CSNK2A2IP: variants seen among roughly 807,000 people sequenced by gnomAD.
CSNK2A2IP encodes the protein casein kinase 2 subunit alpha' interacting protein, also known as casein kinase II subunit alpha'-interacting protein.
chr3:88,415,717 C>T, the CSNK2A2IP span, among the ~76,000 whole-genome samples: 1 of 151,906 alleles, frequency 6.6e-6, no homozygotes, highest in African/African-American at 2.4e-5. Context: ...GGGTATAATT[C>T]CTTGCAAAGT....
the CSNK2A2IP span, among the ~76,000 whole-genome samples, chr3:88,396,624 A>G: frequency 8.5e-5 from 13 of 152,192 alleles, no homozygotes; most frequent in Non-Finnish European, 1.6e-4. Flanking sequence ...AGAGATGATC[A>G]TGGTAGTTAG....
At chr3:88,360,435 G>C in the CSNK2A2IP span, among the ~76,000 whole-genome samples, 2 of 152,058 alleles carry the variant, frequency 1.3e-5, no homozygotes, top group African/African-American at 2.4e-5. Flanking sequence ...GCCCGGCCAA[G>C]AGTTTTTGTC....
chr3:88,411,192 A>G, the CSNK2A2IP span, among the ~76,000 whole-genome samples: 1 of 151,922 alleles, frequency 6.6e-6, no homozygotes, highest in Non-Finnish European at 1.5e-5. Context: ...ATTAAAATGC[A>G]TTTTCAAGGT....
At chr3:88,467,106 C>CA in the CSNK2A2IP span, 1 of 537,556 alleles carries the variant, frequency 1.9e-6, no homozygotes, top group Non-Finnish European at 2.8e-6. Context: ...CCCCCGAAAA[C>CA]AAAGTTATAG....
At chr3:88,411,717 A>G in the CSNK2A2IP span, among the ~76,000 whole-genome samples, 1 of 151,856 alleles carries the variant, frequency 6.6e-6, no homozygotes, top group East Asian at 1.9e-4. Flanking sequence ...AAATCTAAAT[A>G]TATGCTAAAT....
chr3:88,355,680 G>A, the CSNK2A2IP span, among the ~76,000 whole-genome samples: 1 of 151,894 alleles, frequency 6.6e-6, no homozygotes, highest in African/African-American at 2.4e-5. Context: ...AATATTTGAG[G>A]AATTTCCAGG....
At chr3:88,347,483 T>C in the CSNK2A2IP span, among the ~76,000 whole-genome samples, 1 of 152,068 alleles carries the variant, frequency 6.6e-6, no homozygotes, top group Admixed American at 6.6e-5. Context: ...GCCATTCACA[T>C]TGAGGCAAGA....
chr3:88,380,213 A>T, the CSNK2A2IP span, among the ~76,000 whole-genome samples: 1 of 152,062 alleles, frequency 6.6e-6, no homozygotes. Flanking sequence ...AAAAAAGCAA[A>T]AATAATTTTT....
chr3:88,466,058 T>C, the CSNK2A2IP span: 2 of 1,231,526 alleles, frequency 1.6e-6, no homozygotes, highest in Non-Finnish European at 2.0e-6. Context: ...ACATCTTCAT[T>C]GCAGCGCAAT....
the CSNK2A2IP span, among the ~76,000 whole-genome samples, chr3:88,415,166 C>T: frequency 6.6e-6 from 1 of 151,922 alleles, no homozygotes; most frequent in African/African-American, 2.4e-5. Flanking sequence ...CCCTAAATTC[C>T]TCACGAGTAT....
At chr3:88,438,601 C>T in the CSNK2A2IP span, among the ~76,000 whole-genome samples, 2 of 152,108 alleles carry the variant, frequency 1.3e-5, no homozygotes, top group African/African-American at 4.8e-5. Context: ...GAAGACCGCA[C>T]AGAGAAGCCA....
At chr3:88,351,906 G>A in the CSNK2A2IP span, among the ~76,000 whole-genome samples, 1 of 151,946 alleles carries the variant, frequency 6.6e-6, no homozygotes, top group African/African-American at 2.4e-5. Flanking sequence ...TTATAATTTT[G>A]TGATGCTGTT....
the CSNK2A2IP span, among the ~76,000 whole-genome samples, chr3:88,428,022 C>T: frequency 3.9e-5 from 6 of 152,090 alleles, no homozygotes; most frequent in South Asian, 2.1e-4. Flanking sequence ...TAAAAGCAGC[C>T]AGAAGGGGGG....
At chr3:88,409,638 G>T in the CSNK2A2IP span, among the ~76,000 whole-genome samples, 1 of 151,936 alleles carries the variant, frequency 6.6e-6, no homozygotes, top group African/African-American at 2.4e-5. Context: ...AATATTCTTA[G>T]GACAAATTAT....
At chr3:88,438,900 A>T in the CSNK2A2IP span, among the ~76,000 whole-genome samples, 1 of 150,248 alleles carries the variant, frequency 6.7e-6, no homozygotes, top group Non-Finnish European at 1.5e-5. Context: ...TTCTGCCCCT[A>T]CATCTCCATG....
the CSNK2A2IP span, among the ~76,000 whole-genome samples, chr3:88,430,601 C>A: frequency 6.6e-6 from 1 of 151,882 alleles, no homozygotes; most frequent in South Asian, 2.1e-4. Flanking sequence ...TGTAAGCGAC[C>A]TGGAGACCAG....
the CSNK2A2IP span, among the ~76,000 whole-genome samples, chr3:88,419,959 GA>G: frequency 6.6e-6 from 1 of 152,030 alleles, no homozygotes; most frequent in African/African-American, 2.4e-5. Flanking sequence ...CAGCAAAGAG[GA>G]AAAAAACCAA....
At chr3:88,441,758 T>G in the CSNK2A2IP span, among the ~76,000 whole-genome samples, 1 of 152,202 alleles carries the variant, frequency 6.6e-6, no homozygotes, top group Non-Finnish European at 1.5e-5. Context: ...TTTATTCATT[T>G]TAAACTGATT....
At chr3:88,397,059 GA>G in the CSNK2A2IP span, among the ~76,000 whole-genome samples, 1 of 152,184 alleles carries the variant, frequency 6.6e-6, no homozygotes, top group Non-Finnish European at 1.5e-5. Context: ...GAGGGCATGT[GA>G]AATAGATATA....
Sources: gnomAD v4.1 joint callset for allele counts (sites outside exome capture counted in the v4.1 genomes callset) on GRCh38, gnomAD v4.1.1 for gene constraint, MANE v1.5 for transcripts, NCBI Gene and HGNC (gene_info 2026-07-23, HGNC 2026-07-21) for gene names.